SLA: variants seen among roughly 807,000 people sequenced by gnomAD.
SLA encodes the protein src-like-adapter.
A neutral mutation model predicts 30.3 loss-of-function variants in SLA; 16 were observed. The ratio of observed to expected loss-of-function variants is 0.53; its 90% CI spans 0.36 to 0.80. SLA has a LOEUF of 0.80. SLA is among the 30% of genes least tolerant of loss of function. SLA has a pLI of 0.01. For missense variants in SLA, 310 were observed against 345.2 expected (o/e 0.90, Z 0.81); for synonymous variants, 143 against 137.8 (o/e 1.04, Z -0.26).
intron 2 of SLA, among the ~76,000 whole-genome samples, chr8:133,065,495 C>T (rs1316283780): frequency 6.6e-6 from 1 of 152,210 alleles, no homozygotes; most frequent in Non-Finnish European, 1.5e-5. Context: ...GGCGCGGTGG[C>T]TCACACCTGT....
intron 6 of SLA, among the ~76,000 whole-genome samples, chr8:133,045,658 G>A (rs1038164347): frequency 1.3e-5 from 2 of 152,122 alleles, no homozygotes; most frequent in South Asian, 4.1e-4. Context: ...GCCTCCCAAA[G>A]TGCTGGGATT....
chr8:133,085,057 G>A (rs1325707722), intron 1 of SLA, among the ~76,000 whole-genome samples: 1 of 152,238 alleles, frequency 6.6e-6, no homozygotes, highest in Non-Finnish European at 1.5e-5. Flanking sequence ...AGAACAGCAT[G>A]TAAAGTGCTT....
intron 1 of SLA, among the ~76,000 whole-genome samples, chr8:133,082,428 A>G (rs1462362331): frequency 2.0e-5 from 3 of 152,162 alleles, no homozygotes; most frequent in East Asian, 3.9e-4. Flanking sequence ...GTAGATTGCA[A>G]ACTTTCTTAA....
rs1228993826 is a variant in SLA at position 133,037,831 on chromosome 8, T to C, written c.*693A>G. On this transcript the variant is annotated 3_prime_UTR_variant, in exon 9 of 9. Coordinates refer to ENST00000338087, the MANE Select transcript of SLA (RefSeq NM_001045556.3). ...CAGTTCTAGTCTCGCCTCCTCGATTTCCCTGCCAGCAGTCTTCCTCTCTCT... is the reference window on the plus strand; with the variant it reads ...CAGTTCTAGTCTCGCCTCCTCGATTCCCCTGCCAGCAGTCTTCCTCTCTCT... 1 of 152,226 alleles carries C rather than the reference T, an allele frequency of 6.6e-6. No individual in the cohort carries two copies. Among genetic ancestry groups the C allele is most frequent in the East Asian group, 1.9e-4 (1 of 5,186 alleles). 9.4% of individuals were successfully genotyped at this position (152,226 alleles called of 1,614,324 possible).
chr8:133,094,521 T>G, intron 1 of SLA: 1 of 190,678 alleles, frequency 5.2e-6, no homozygotes, highest in South Asian at 9.6e-5. Context: ...CCAGTCATTT[T>G]AACAGAGAGT....
intron 2 of SLA, among the ~76,000 whole-genome samples, chr8:133,070,709 CTT>C (rs1564150275): frequency 6.6e-6 from 1 of 152,228 alleles, no homozygotes; most frequent in Non-Finnish European, 1.5e-5. Context: ...CTTAATAAAA[CTT>C]TAATTCTAAA....
At position 133,040,047 on chromosome 8, in the gene SLA, A is replaced by T; in HGVS notation, c.568T>A (p.Ser190Thr). The change falls in exon 8 of 9, where the codon TCA becomes ACA. Residue 190 changes from serine (S) to threonine (T), a missense_variant. Physicochemically the swap from Ser to Thr is moderately conservative, Grantham distance 58. Coordinates refer to ENST00000338087, the MANE Select transcript of SLA (RefSeq NM_001045556.3). ...GTCTTCTGACGCAAGGTGACAGGTG[A>T]GCTGGAGGCCCTCACTGCTGGGGCA... ...TAAPAVRASS[S>T]PVTLRQKTVD... The T allele has an allele frequency of 6.4e-7, 1 of 1,552,868 alleles. No homozygotes were observed. The highest frequency in any genetic ancestry group is 8.7e-7 in the Non-Finnish European group (1 of 1,147,606).
chr8:133,045,860 T>C (rs1839281322), intron 6 of SLA, among the ~76,000 whole-genome samples: 2 of 152,182 alleles, frequency 1.3e-5, no homozygotes, highest in South Asian at 4.1e-4. Context: ...GTTTTGCTCT[T>C]TCAGCCCCTG....
intron 5 of SLA, chr8:133,048,873 T>C (rs548334581): frequency 5.4e-6 from 1 of 186,082 alleles, no homozygotes; most frequent in South Asian, 9.5e-5. Context: ...AGAATTCCAG[T>C]CTTCAAAGGA....
intron 2 of SLA, among the ~76,000 whole-genome samples, chr8:133,064,650 T>C (rs1564140806): frequency 6.6e-6 from 1 of 152,242 alleles, no homozygotes; most frequent in Non-Finnish European, 1.5e-5. Context: ...GGTCACATAC[T>C]GGCATGGCGT....
At chr8:133,081,046 G>T (rs1845668709) in intron 1 of SLA, among the ~76,000 whole-genome samples, 1 of 152,250 alleles carries the variant, frequency 6.6e-6, no homozygotes, top group Admixed American at 6.5e-5. Flanking sequence ...GGGACTCTCT[G>T]ATTCTTTCTC....
rs754461378 is a variant in SLA at position 133,045,048 on chromosome 8, G to A, written c.420C>T (p.Asn140=). ...KHYRIFRLPN[N]WYYISPRLTF... ...TGAGCCTCGGGGAAATGTAGTACCA[G>A]TTGTTGGGCAGACGGAAAATGCGGT... The change falls in exon 7 of 9, where the codon AAC becomes AAT. Residue 140 remains asparagine (N), a synonymous_variant. Coordinates refer to ENST00000338087, the MANE Select transcript of SLA (RefSeq NM_001045556.3). 3 of 1,614,176 alleles carry A rather than the reference G, an allele frequency of 1.9e-6. No homozygotes were observed. The highest frequency in any genetic ancestry group is 1.7e-5 in the Admixed American group (1 of 60,028).
chr8:133,047,260 A>T (rs1839592272), intron 6 of SLA: 2 of 152,386 alleles, frequency 1.3e-5, no homozygotes, highest in Non-Finnish European at 2.9e-5. Flanking sequence ...TTGTAATGCT[A>T]GTGATGATGG....
chr8:133,089,523 C>G (rs1040097746), intron 1 of SLA, among the ~76,000 whole-genome samples: 1 of 152,136 alleles, frequency 6.6e-6, no homozygotes, highest in African/African-American at 2.4e-5. Flanking sequence ...GCTCTGTGTC[C>G]CAGGGTTGGT....
chr8:133,050,173 G>T, intron 4 of SLA, 185 bp from the exon 5 acceptor site: 2 of 608,530 alleles, frequency 3.3e-6, no homozygotes, highest in Non-Finnish European at 5.9e-6. Context: ...TATGTGTCCA[G>T]TGGATAGCCC....
Position 133,068,636 on chromosome 8 carries a change from G to A in SLA, c.-41+6217C>T, listed in dbSNP as rs998346562. On this transcript the variant is annotated intron_variant, in intron 2 of 8. Transcript: ENST00000338087. Reference sequence around the variant, plus strand: ...GGGCTGTGCACACCCTGCAGTCTCCGTGGCTCACCACCACACTGACGCAAG... The same window carrying A: ...GGGCTGTGCACACCCTGCAGTCTCCATGGCTCACCACCACACTGACGCAAG... 4.6e-5 allele frequency among the ~76,000 whole-genome samples: 7 copies of A among 152,314 alleles called. No homozygotes were observed. In the South Asian group the frequency reaches 6.2e-4, roughly 14 times the overall value.
intron 1 of SLA, among the ~76,000 whole-genome samples, chr8:133,078,731 C>T (rs1477862459): frequency 6.6e-6 from 1 of 152,210 alleles, no homozygotes; most frequent in African/African-American, 2.4e-5. Context: ...CAGAACAAAA[C>T]AATGTTCATT....
chr8:133,066,368 CAAAAG>C (rs1269231605), intron 2 of SLA, among the ~76,000 whole-genome samples: 4 of 136,242 alleles, frequency 2.9e-5, no homozygotes, highest in African/African-American at 5.4e-5. Context: ...TGGAACAAAA[CAAAAG>C]AAAAGAAACA....
chr8:133,090,999 C>G (rs1340606065), intron 1 of SLA, among the ~76,000 whole-genome samples: 1 of 152,208 alleles, frequency 6.6e-6, no homozygotes, highest in East Asian at 1.9e-4. Flanking sequence ...CTCTGAGACT[C>G]TAGGGAAGTG....
Sources: allele counts gnomAD v4.1 joint callset (sites outside exome capture counted in the v4.1 genomes callset), GRCh38; gene constraint gnomAD v4.1.1; transcripts MANE v1.5; gene names NCBI Gene and HGNC (gene_info 2026-07-23, HGNC 2026-07-21).